CFAP70: variants seen among roughly 807,000 people sequenced by gnomAD.
CFAP70 encodes the protein cilia and flagella associated protein 70.
In CFAP70, 81 loss-of-function variants were observed where a neutral mutation model predicts 137.6. That is an observed-to-expected ratio of 0.59 (90% confidence interval 0.49 to 0.71). The LOEUF is 0.71. Among genes scored for constraint, CFAP70 ranks in the 30% least tolerant of loss-of-function variants. CFAP70 has a pLI of 0.00. For synonymous variants in CFAP70, 382 were observed against 423.6 expected (o/e 0.90, Z 1.20); for missense variants, 976 against 1,226.7 (o/e 0.80, Z 3.05).
chr10:73,306,397 C>T (rs576560195), intron 12 of CFAP70, among the ~76,000 whole-genome samples: 1 of 152,036 alleles, frequency 6.6e-6, no homozygotes, highest in African/African-American at 2.4e-5. Flanking sequence ...TAAAACACAC[C>T]ATAGTCAAAT....
At chr10:73,299,180 T>A in intron 13 of CFAP70, 79 bp from the exon 15 acceptor site, 1 of 1,050,234 alleles carries the variant, frequency 9.5e-7, no homozygotes, top group Non-Finnish European at 1.4e-6. Context: ...TGGATTTGGT[T>A]TTATGTTCCA....
At chr10:73,296,868 A>T in intron 15 of CFAP70, 174 bp downstream of exon 16, 1 of 505,772 alleles carries the variant, frequency 2.0e-6, no homozygotes, top group Non-Finnish European at 3.1e-6. Context: ...TTCCAAAATT[A>T]GTCTTAAACT....
intron 13 of CFAP70, 94 bp downstream of exon 14, chr10:73,299,511 C>G: frequency 9.4e-7 from 1 of 1,065,294 alleles, no homozygotes; most frequent in Non-Finnish European, 1.4e-6. Flanking sequence ...GTTTTCACCC[C>G]TTCTGGAAGA....
intron 25 of CFAP70, among the ~76,000 whole-genome samples, chr10:73,263,174 AC>A (rs759448799): frequency 2.0e-5 from 3 of 152,216 alleles, no homozygotes; most frequent in East Asian, 3.9e-4. Flanking sequence ...TGAACAGGTC[AC>A]TGCTGCCTCG....
chr10:73,345,797 C>CA (rs932163360), intron 4 of CFAP70, among the ~76,000 whole-genome samples: 26 of 150,796 alleles, frequency 1.7e-4, no homozygotes, highest in African/African-American at 2.4e-4. Flanking sequence ...AACTCCATCT[C>CA]AAAAAAAACA....
At chr10:73,285,630 A>ATT (rs2047628094) in intron 19 of CFAP70, among the ~76,000 whole-genome samples, 2 of 143,774 alleles carry the variant, frequency 1.4e-5, no homozygotes, top group South Asian at 2.3e-4. Context: ...TTGAAACTAT[A>ATT]TTTTCTTTTT....
intron 9 of CFAP70, among the ~76,000 whole-genome samples, chr10:73,315,199 A>G (rs2050234455): frequency 6.8e-6 from 1 of 146,392 alleles, no homozygotes; most frequent in Admixed American, 6.8e-5. Flanking sequence ...CCTGGGTGAC[A>G]GAGTGAGACC....
intron 1 of CFAP70, among the ~76,000 whole-genome samples, chr10:73,355,857 T>C (rs1461018465): frequency 1.3e-5 from 2 of 152,146 alleles, no homozygotes; most frequent in South Asian, 4.1e-4. Context: ...GGTTGAATCA[T>C]CCCCGCTGCC....
intron 2 of CFAP70, among the ~76,000 whole-genome samples, chr10:73,353,991 A>G (rs2054480695): frequency 6.6e-6 from 1 of 152,214 alleles, no homozygotes; most frequent in Non-Finnish European, 1.5e-5. Flanking sequence ...ACCTAATAAT[A>G]AAAGTATACT....
At chr10:73,262,925 G>T (rs990734807) in intron 25 of CFAP70, among the ~76,000 whole-genome samples, 1 of 152,132 alleles carries the variant, frequency 6.6e-6, no homozygotes, top group Non-Finnish European at 1.5e-5. Flanking sequence ...TTAGAGATAT[G>T]ATTCAATTTT....
intron 19 of CFAP70, among the ~76,000 whole-genome samples, chr10:73,283,173 T>C (rs1421172894): frequency 6.6e-6 from 1 of 152,178 alleles, no homozygotes; most frequent in Non-Finnish European, 1.5e-5. Flanking sequence ...TACTGATAAC[T>C]AGTTTGGTTC....
At chr10:73,277,479 C>T in intron 20 of CFAP70, 118 bp from the exon 22 acceptor site, 5 of 1,067,696 alleles carry the variant, frequency 4.7e-6, no homozygotes, top group Non-Finnish European at 6.5e-6. Context: ...CTTTGGGAGG[C>T]CGAGGCAGGC....
At chr10:73,302,887 T>TC (rs10681376) in intron 12 of CFAP70, among the ~76,000 whole-genome samples, 5 of 147,334 alleles carry the variant, frequency 3.4e-5, no homozygotes, top group East Asian at 4.0e-4. Context: ...TCTTTTCTTT[T>TC]TTTTTTTTTT....
intron 25 of CFAP70, among the ~76,000 whole-genome samples, chr10:73,267,606 A>G (rs1000520711): frequency 1.3e-4 from 20 of 152,350 alleles, no homozygotes; most frequent in African/African-American, 4.8e-4. Context: ...GGGGATCATT[A>G]TTATAAAAAT....
intron 8 of CFAP70, among the ~76,000 whole-genome samples, chr10:73,325,624 A>G (rs1431149871): frequency 2.0e-5 from 3 of 152,302 alleles, no homozygotes; most frequent in South Asian, 2.1e-4. Context: ...TAGGCTCAAA[A>G]TAAAAGGATG....
chr10:73,269,414 C>A (rs1364670388), intron 25 of CFAP70, among the ~76,000 whole-genome samples, 200 bp downstream of exon 26: 1 of 152,144 alleles, frequency 6.6e-6, no homozygotes, highest in Non-Finnish European at 1.5e-5. Flanking sequence ...AGAAACACAC[C>A]TAAATATATT....
chr10:73,344,973 G>T, intron 5 of CFAP70, 92 bp downstream of exon 6: 1 of 1,022,080 alleles, frequency 9.8e-7, no homozygotes, highest in Non-Finnish European at 1.5e-6. Context: ...GCAGTGCAAT[G>T]CTTTGAATGA....
rs917336620 is a variant in CFAP70 at position 73,261,654 on chromosome 10, G to A, written c.3028-5238C>T. On this transcript the variant is annotated intron_variant, in intron 25 of 26. Transcript: ENST00000310715. The stretch of plus-strand genomic sequence containing the variant: ...GTGGGAATTGTGGGAGTTACAATTC[G>A]AGATGAGATTTGGGTAGGGACACAG... 7.7e-4 allele frequency among the ~76,000 whole-genome samples: 117 copies of A among 152,004 alleles called. 1 individual carries two copies. The highest frequency in any genetic ancestry group is 2.8e-3 in the African/African-American group (115 of 41,382).
intron 18 of CFAP70, 42 bp from the exon 20 acceptor site, chr10:73,291,486 C>G (rs761731551): frequency 6.3e-7 from 1 of 1,575,960 alleles, no homozygotes; most frequent in Non-Finnish European, 8.7e-7. Context: ...ACTATTTTCC[C>G]ACTATCATAT....
Sources: gnomAD v4.1 joint callset for allele counts (sites outside exome capture counted in the v4.1 genomes callset) on GRCh38, gnomAD v4.1.1 for gene constraint, MANE v1.5 for transcripts, NCBI Gene and HGNC (gene_info 2026-07-23, HGNC 2026-07-21) for gene names.